Variants in BLTP3A observed in about 807,000 individuals in gnomAD.
The protein encoded by BLTP3A is bridge-like lipid transfer protein family member 3A.
chr6:34,792,406 C>T, the BLTP3A span: 3 of 1,129,428 alleles, frequency 2.7e-6, no homozygotes, highest in African/African-American at 4.9e-5. Flanking sequence ...GCCCGGAGCC[C>T]GGACTCCGTG....
chr6:34,837,269 C>A, the BLTP3A span, among the ~76,000 whole-genome samples: 1 of 152,178 alleles, frequency 6.6e-6, no homozygotes, highest in African/African-American at 2.4e-5. Flanking sequence ...TGGCCAGGCA[C>A]AGTGGCTCAT....
At chr6:34,815,474 T>C in the BLTP3A span, among the ~76,000 whole-genome samples, 2 of 152,012 alleles carry the variant, frequency 1.3e-5, no homozygotes, top group Non-Finnish European at 2.9e-5. Flanking sequence ...GGTCTTGAAC[T>C]CCTGACCTCA....
the BLTP3A span, among the ~76,000 whole-genome samples, chr6:34,809,198 GC>G: frequency 6.6e-6 from 1 of 152,046 alleles, no homozygotes; most frequent in African/African-American, 2.4e-5. Context: ...TTTGAGACCA[GC>G]TTGGGCAACA....
chr6:34,866,701 C>A, the BLTP3A span, among the ~76,000 whole-genome samples: 2 of 152,130 alleles, frequency 1.3e-5, no homozygotes, highest in Admixed American at 6.5e-5. Flanking sequence ...TTTCTTCTTG[C>A]GAAACAGAAA....
At chr6:34,796,945 C>T in the BLTP3A span, among the ~76,000 whole-genome samples, 6 of 152,150 alleles carry the variant, frequency 3.9e-5, no homozygotes, top group Admixed American at 2.0e-4. Flanking sequence ...CCTGGTGATC[C>T]GCCTGCCTTG....
At chr6:34,838,222 A>G in the BLTP3A span, among the ~76,000 whole-genome samples, 4 of 152,244 alleles carry the variant, frequency 2.6e-5, no homozygotes, top group African/African-American at 9.6e-5. Flanking sequence ...TTCTTACATT[A>G]TGATTGTGAG....
chr6:34,793,988 C>T, the BLTP3A span, among the ~76,000 whole-genome samples: 60 of 151,548 alleles, frequency 4.0e-4, 1 homozygote, highest in Non-Finnish European at 1.9e-4. Context: ...TGATGAAACC[C>T]TGTCTCTACT....
At chr6:34,855,917 G>A in the BLTP3A span, 1 of 985,286 alleles carries the variant, frequency 1.0e-6, no homozygotes, top group Non-Finnish European at 1.2e-6. Context: ...GAAGTGAGTA[G>A]GGGAGATATC....
chr6:34,835,554 T>C, the BLTP3A span: 1 of 1,400,520 alleles, frequency 7.1e-7, no homozygotes, highest in Admixed American at 2.6e-5. Flanking sequence ...CTAGACTTTA[T>C]TTGGGAAATT....
the BLTP3A span, chr6:34,858,411 G>A: frequency 8.7e-6 from 14 of 1,614,002 alleles, no homozygotes; most frequent in South Asian, 1.4e-4. Context: ...TCCCTCCCCA[G>A]AGACCTAAGG....
chr6:34,811,249 T>G, the BLTP3A span, among the ~76,000 whole-genome samples: 2 of 152,204 alleles, frequency 1.3e-5, no homozygotes, highest in Non-Finnish European at 2.9e-5. Flanking sequence ...TCAGCAGATT[T>G]TTTTAAAAAC....
the BLTP3A span, chr6:34,821,813 C>T: frequency 6.2e-6 from 10 of 1,613,884 alleles, no homozygotes; most frequent in East Asian, 4.5e-5. Flanking sequence ...GGCCTCCATC[C>T]GGGTGAGAAT....
the BLTP3A span, chr6:34,859,205 G>A: frequency 1.2e-6 from 2 of 1,614,132 alleles, no homozygotes; most frequent in South Asian, 2.2e-5. Context: ...AGGCCACATA[G>A]CAATGGAGAA....
At chr6:34,794,080 A>G in the BLTP3A span, among the ~76,000 whole-genome samples, 2 of 152,232 alleles carry the variant, frequency 1.3e-5, no homozygotes, top group Admixed American at 1.3e-4. Context: ...GGATCGCTTC[A>G]GCTCGGGAGG....
At chr6:34,826,082 T>G in the BLTP3A span, among the ~76,000 whole-genome samples, 2 of 142,894 alleles carry the variant, frequency 1.4e-5, no homozygotes, top group Non-Finnish European at 3.0e-5. Context: ...CAGGCTAGAG[T>G]GCAATGGTGC....
At chr6:34,823,181 A>G in the BLTP3A span, 6 of 1,264,914 alleles carry the variant, frequency 4.7e-6, no homozygotes, top group Admixed American at 5.1e-5. Context: ...ACGGAGATGA[A>G]TGACACAGTC....
At chr6:34,824,839 T>C in the BLTP3A span, among the ~76,000 whole-genome samples, 1 of 151,620 alleles carries the variant, frequency 6.6e-6, no homozygotes. Context: ...CCTGGCTGAT[T>C]TTTGTATTTT....
the BLTP3A span, among the ~76,000 whole-genome samples, chr6:34,828,080 T>A: frequency 1.3e-5 from 2 of 152,208 alleles, no homozygotes; most frequent in East Asian, 1.9e-4. Context: ...TATATTTGTA[T>A]TGTCCCACCT....
chr6:34,865,851 A>G, the BLTP3A span, among the ~76,000 whole-genome samples: 1 of 152,188 alleles, frequency 6.6e-6, no homozygotes, highest in Non-Finnish European at 1.5e-5. Flanking sequence ...TTTCATGTCT[A>G]TGTACAAAAG....
Sources: allele counts gnomAD v4.1 joint callset (sites outside exome capture counted in the v4.1 genomes callset), GRCh38; gene constraint gnomAD v4.1.1; transcripts MANE v1.5; gene names NCBI Gene and HGNC (gene_info 2026-07-23, HGNC 2026-07-21).